The following ZBTB20 variants were observed in gnomAD, a reference collection of about 807,000 sequenced individuals.
The protein encoded by ZBTB20 is zinc finger and BTB domain-containing protein 20.
Under a neutral mutation model 56.9 loss-of-function variants are expected in ZBTB20, and 9 were observed. The observed-to-expected ratio is 0.16, with a 90% confidence interval of 0.10 to 0.28. The LOEUF (loss-of-function observed/expected upper bound fraction) is 0.28, where lower values mean the gene tolerates loss of function less well. Among genes scored for constraint, ZBTB20 ranks in the 10% least tolerant of loss-of-function variants. The pLI is 1.00. For synonymous variants in ZBTB20, 417 were observed against 420.7 expected, an observed-to-expected ratio of 0.99 and a Z score of 0.11; for missense variants, 655 against 1,003.0, an observed-to-expected ratio of 0.65 and a Z score of 4.69.
At chr3:114,651,344 G>A (rs2060118235) in intron 6 of ZBTB20, among the ~76,000 whole-genome samples, 1 of 151,900 alleles carries the variant, frequency 6.6e-6, no homozygotes, top group Admixed American at 6.6e-5. Flanking sequence ...AAGTGGTTTA[G>A]GTAAACAGAA....
intron 4 of ZBTB20, among the ~76,000 whole-genome samples, chr3:114,851,601 A>AT (rs1461018888): frequency 2.0e-5 from 3 of 151,848 alleles, no homozygotes; most frequent in African/African-American, 7.3e-5. Context: ...TTGTTCTGTT[A>AT]TTCTCTTTGA....
intron 2 of ZBTB20, among the ~76,000 whole-genome samples, chr3:115,049,317 C>G (rs566340604): frequency 6.6e-6 from 1 of 152,194 alleles, no homozygotes; most frequent in South Asian, 2.1e-4. Context: ...CTGGTGGTTA[C>G]TTTTTTATTT....
chr3:114,979,562 T>C (rs1416925335), intron 2 of ZBTB20, among the ~76,000 whole-genome samples: 1 of 152,010 alleles, frequency 6.6e-6, no homozygotes, highest in Non-Finnish European at 1.5e-5. Flanking sequence ...ACAAAATGAA[T>C]AGAAACTGTT....
intron 4 of ZBTB20, among the ~76,000 whole-genome samples, chr3:114,865,611 C>T (rs2075733442): frequency 6.6e-6 from 1 of 152,088 alleles, no homozygotes; most frequent in Non-Finnish European, 1.5e-5. Flanking sequence ...TTCATTCTCC[C>T]TCTCAAAAAA....
intron 6 of ZBTB20, among the ~76,000 whole-genome samples, chr3:114,512,770 CTTTCT>C (rs2045557213): frequency 6.6e-6 from 1 of 151,910 alleles, no homozygotes; most frequent in East Asian, 1.9e-4. Flanking sequence ...CATTTTTTTC[CTTTCT>C]TTTTTGAAAG....
At chr3:114,991,989 T>C (rs1239177531) in intron 2 of ZBTB20, among the ~76,000 whole-genome samples, 1 of 152,048 alleles carries the variant, frequency 6.6e-6, no homozygotes, top group African/African-American at 2.4e-5. Context: ...ATTTTGAGCC[T>C]ATGTGTCTAT....
At chr3:114,718,938 C>A (rs1201889867) in intron 5 of ZBTB20, among the ~76,000 whole-genome samples, 1 of 151,904 alleles carries the variant, frequency 6.6e-6, no homozygotes, top group African/African-American at 2.4e-5. Flanking sequence ...TGTGTGTGAG[C>A]TGTTCCACTA....
intron 5 of ZBTB20, among the ~76,000 whole-genome samples, chr3:114,746,278 GT>G (rs1382740434): frequency 6.6e-6 from 1 of 152,112 alleles, no homozygotes; most frequent in Non-Finnish European, 1.5e-5. Flanking sequence ...CACTCACTGA[GT>G]TTTCTGCTTT....
intron 5 of ZBTB20, among the ~76,000 whole-genome samples, chr3:114,737,973 T>G (rs2066299425): frequency 6.6e-6 from 1 of 152,150 alleles, no homozygotes. Flanking sequence ...CATCACCCTT[T>G]CTGCTAATTA....
chr3:115,145,601 C>T (rs2084940008), intron 1 of ZBTB20, among the ~76,000 whole-genome samples: 2 of 152,058 alleles, frequency 1.3e-5, no homozygotes, highest in Admixed American at 1.3e-4. Context: ...CCATCTATTC[C>T]CCCACACCCA....
At chr3:114,460,259 C>T (rs1308116037) in intron 7 of ZBTB20, among the ~76,000 whole-genome samples, 1 of 152,116 alleles carries the variant, frequency 6.6e-6, no homozygotes, top group African/African-American at 2.4e-5. Flanking sequence ...CTGATAAACA[C>T]ACTACAAAGG....
rs916601851 is a variant in ZBTB20, at chr3:114,329,707, T to TG, written c.*9297dup. The TG allele has an allele frequency of 3.9e-4, 29 of 74,616 alleles. No individual in the cohort carries two copies. Among genetic ancestry groups the TG allele is most frequent in the South Asian group, 1.1e-3 (2 of 1,764 alleles). 4.6% of individuals were successfully genotyped at this position (74,616 alleles called of 1,614,324 possible). On this transcript the variant is annotated 3_prime_UTR_variant, in exon 12 of 12. Transcript: ENST00000675478. ...CCTGAAACTCTGGTTTTACTTTTTT[T>TG]GGAAAAAAAAAAAAAAAAAAAAAAA...
intron 4 of ZBTB20, among the ~76,000 whole-genome samples, chr3:114,857,520 G>T (rs2075305571): frequency 6.6e-6 from 1 of 152,176 alleles, no homozygotes; most frequent in South Asian, 2.1e-4. Context: ...AGAGGTTAAG[G>T]AATTCTTACT....
chr3:114,519,101 C>T (rs1455421423), intron 6 of ZBTB20: 1 of 152,192 alleles, frequency 6.6e-6, no homozygotes, highest in Admixed American at 6.5e-5. Flanking sequence ...TCCTCATTCC[C>T]TTCAAGACCT....
intron 5 of ZBTB20, among the ~76,000 whole-genome samples, chr3:114,776,031 T>TC (rs2069580584): frequency 1.5e-5 from 1 of 65,226 alleles, no homozygotes; most frequent in African/African-American, 5.2e-5. Context: ...CAATTTTTTT[T>TC]CTTTTTTTTT....
intron 6 of ZBTB20, among the ~76,000 whole-genome samples, chr3:114,585,636 CT>C (rs2055104657): frequency 6.6e-6 from 1 of 152,180 alleles, no homozygotes; most frequent in African/African-American, 2.4e-5. Flanking sequence ...GGTATGCCCC[CT>C]GTACCACTAT....
chr3:114,942,805 G>A (rs892012574), intron 3 of ZBTB20, among the ~76,000 whole-genome samples: 2 of 145,246 alleles, frequency 1.4e-5, no homozygotes, highest in Admixed American at 6.6e-5. Flanking sequence ...AACAGAATGC[G>A]AGACTGAGCA....
chr3:114,501,806 T>A (rs1443132058), intron 6 of ZBTB20, among the ~76,000 whole-genome samples: 4 of 150,462 alleles, frequency 2.7e-5, no homozygotes, highest in Non-Finnish European at 5.9e-5. Context: ...CCTCCTGAGT[T>A]TAAGCGATTC....
intron 5 of ZBTB20, among the ~76,000 whole-genome samples, chr3:114,780,091 G>T (rs1308993428): frequency 6.6e-6 from 1 of 152,120 alleles, no homozygotes; most frequent in Non-Finnish European, 1.5e-5. Flanking sequence ...GAATAAAAAT[G>T]TTCTGTATCA....
Sources: allele counts gnomAD v4.1 joint callset (sites outside exome capture counted in the v4.1 genomes callset), GRCh38; gene constraint gnomAD v4.1.1; transcripts MANE v1.5; gene names NCBI Gene and HGNC (gene_info 2026-07-23, HGNC 2026-07-21).